The following IMMP2L variants were observed in gnomAD, a reference collection of about 807,000 sequenced individuals.
IMMP2L encodes the protein inner mitochondrial membrane peptidase subunit 2.
A neutral mutation model predicts 19.3 loss-of-function variants in IMMP2L; 18 were observed. That is an observed-to-expected ratio of 0.93 (90% confidence interval 0.64 to 1.38). The LOEUF is 1.38. Ranked by LOEUF, IMMP2L falls within the 40% of genes most tolerant of loss-of-function variation. IMMP2L has a pLI of 0.00. For missense variants in IMMP2L, 233 were observed against 218.2 expected, an observed-to-expected ratio of 1.07 and a Z score of -0.43; for synonymous variants, 76 against 73.0, an observed-to-expected ratio of 1.04 and a Z score of -0.21.
chr7:111,022,485 A>G (rs561554438), intron 3 of IMMP2L, among the ~76,000 whole-genome samples: 1 of 152,322 alleles, frequency 6.6e-6, no homozygotes, highest in South Asian at 2.1e-4. Context: ...CAAGACCCCA[A>G]GAAGTGTTAG....
chr7:110,736,420 T>G (rs372976629), intron 5 of IMMP2L, among the ~76,000 whole-genome samples: 1 of 152,266 alleles, frequency 6.6e-6, no homozygotes, highest in East Asian at 1.9e-4. Flanking sequence ...GCAGGACTAC[T>G]TCCAAGACCC....
chr7:110,933,687 C>T (rs1351451647), intron 4 of IMMP2L, among the ~76,000 whole-genome samples: 4 of 152,104 alleles, frequency 2.6e-5, no homozygotes, highest in East Asian at 3.9e-4. Flanking sequence ...AAATCTTAAT[C>T]CATGGATAAT....
At chr7:110,939,258 C>T (rs1466639092) in intron 4 of IMMP2L, among the ~76,000 whole-genome samples, 2 of 152,020 alleles carry the variant, frequency 1.3e-5, no homozygotes, top group Non-Finnish European at 2.9e-5. Context: ...TTACCGATCC[C>T]TGGGCTGCAT....
At chr7:111,340,682 C>T (rs941591671) in intron 3 of IMMP2L, among the ~76,000 whole-genome samples, 3 of 151,914 alleles carry the variant, frequency 2.0e-5, no homozygotes, top group African/African-American at 7.3e-5. Context: ...TGGAAACAAC[C>T]CAAATGTCTA....
intron 3 of IMMP2L, among the ~76,000 whole-genome samples, chr7:111,074,279 A>C (rs566024133): frequency 6.6e-6 from 1 of 152,228 alleles, no homozygotes; most frequent in Non-Finnish European, 1.5e-5. Context: ...TTCCACCTAC[A>C]ATGATGACTC....
chr7:110,842,436 G>A (rs571188610), intron 5 of IMMP2L, among the ~76,000 whole-genome samples: 35 of 152,288 alleles, frequency 2.3e-4, no homozygotes, highest in East Asian at 7.7e-4. Context: ...AGATTGCACC[G>A]TGGAAGTGAT....
At chr7:110,665,624 C>T (rs1791396827) in intron 5 of IMMP2L, among the ~76,000 whole-genome samples, 1 of 152,140 alleles carries the variant, frequency 6.6e-6, no homozygotes, top group African/African-American at 2.4e-5. Context: ...AGCAAGCTGC[C>T]TTGTAAAATG....
chr7:111,477,412 C>T (rs1469514922), intron 3 of IMMP2L, among the ~76,000 whole-genome samples: 2 of 152,034 alleles, frequency 1.3e-5, no homozygotes, highest in Non-Finnish European at 2.9e-5. Flanking sequence ...GTGCCAGGGG[C>T]TTGTTTGTCT....
intron 4 of IMMP2L, among the ~76,000 whole-genome samples, chr7:110,938,179 T>C (rs1214618421): frequency 6.6e-6 from 1 of 152,134 alleles, no homozygotes; most frequent in African/African-American, 2.4e-5. Context: ...CTACCATCCT[T>C]AAAAGGCAGT....
At chr7:111,547,904 G>A (rs1170058338) in intron 1 of IMMP2L, among the ~76,000 whole-genome samples, 1 of 151,774 alleles carries the variant, frequency 6.6e-6, no homozygotes, top group Non-Finnish European at 1.5e-5. Flanking sequence ...GTATTTTTGG[G>A]AGACACAGGG....
chr7:110,837,480 C>T (rs1333220423), intron 5 of IMMP2L, among the ~76,000 whole-genome samples: 1 of 151,972 alleles, frequency 6.6e-6, no homozygotes, highest in African/African-American at 2.4e-5. Context: ...TAAAGAAGGA[C>T]TACTATGCTG....
intron 3 of IMMP2L, among the ~76,000 whole-genome samples, chr7:111,415,031 T>A (rs892094524): frequency 6.6e-6 from 1 of 151,814 alleles, no homozygotes; most frequent in African/African-American, 2.4e-5. Context: ...ATTAACGTAA[T>A]TAAAGTCCCA....
chr7:110,961,044 G>A (rs1818877960), intron 4 of IMMP2L, among the ~76,000 whole-genome samples: 1 of 151,766 alleles, frequency 6.6e-6, no homozygotes, highest in Non-Finnish European at 1.5e-5. Context: ...CCAAGTGCTG[G>A]CAAGGATGCA....
At chr7:110,794,686 G>A (rs1471846139) in intron 5 of IMMP2L, among the ~76,000 whole-genome samples, 1 of 152,024 alleles carries the variant, frequency 6.6e-6, no homozygotes, top group Non-Finnish European at 1.5e-5. Context: ...CACCTTGGAA[G>A]AAAGTTTCCA....
chr7:110,699,974 T>C (rs1258008565), intron 5 of IMMP2L, among the ~76,000 whole-genome samples: 8 of 152,012 alleles, frequency 5.3e-5, no homozygotes, highest in Non-Finnish European at 1.2e-4. Context: ...TCTTATACAG[T>C]CCATAGCCCC....
intron 3 of IMMP2L, among the ~76,000 whole-genome samples, chr7:111,138,391 C>G (rs1802548991): frequency 6.6e-6 from 1 of 152,128 alleles, no homozygotes; most frequent in Admixed American, 6.5e-5. Context: ...TGGCAGCCCT[C>G]CAGCACTGGC....
chr7:111,473,676 T>C (rs540276051), intron 3 of IMMP2L, among the ~76,000 whole-genome samples: 23 of 152,256 alleles, frequency 1.5e-4, no homozygotes, highest in African/African-American at 5.5e-4. Flanking sequence ...ACATCTGTGG[T>C]AGATTCAATA....
intron 5 of IMMP2L, among the ~76,000 whole-genome samples, chr7:110,683,294 CGTT>C (rs1562913650): frequency 6.6e-6 from 1 of 151,948 alleles, no homozygotes; most frequent in South Asian, 2.1e-4. Context: ...TGGAAATAAA[CGTT>C]GTTACTTTAT....
chr7:111,062,438 G>T (rs117495947), intron 3 of IMMP2L, among the ~76,000 whole-genome samples: 1,844 of 152,198 alleles, frequency 0.012, 14 homozygotes, highest in Non-Finnish European at 0.017. Flanking sequence ...TTTGGGTGGG[G>T]ACACAGAGCC....
Sources: gnomAD v4.1 joint callset for allele counts (sites outside exome capture counted in the v4.1 genomes callset) on GRCh38, gnomAD v4.1.1 for gene constraint, MANE v1.5 for transcripts, NCBI Gene and HGNC (gene_info 2026-07-23, HGNC 2026-07-21) for gene names.